CSMD1: variants seen among roughly 807,000 people sequenced by gnomAD.
The protein encoded by CSMD1 is CUB and sushi domain-containing protein 1.
CSMD1 carries 213 observed loss-of-function variants against 417.5 expected under a neutral mutation model. The ratio of observed to expected loss-of-function variants is 0.51; its 90% CI spans 0.46 to 0.57. The LOEUF (loss-of-function observed/expected upper bound fraction) is 0.57. Ranked by LOEUF, CSMD1 falls within the 20% of genes least tolerant of loss-of-function variation. The pLI, the probability that CSMD1 is intolerant of heterozygous loss-of-function variation, is 0.00. For missense variants in CSMD1, 6,923 were observed against 4,529.7 expected, an observed-to-expected ratio of 1.53 and a Z score of -15.17; for synonymous variants, 2,862 against 1,736.8, an observed-to-expected ratio of 1.65 and a Z score of -16.11.
chr8:4,487,265 G>A (rs1189735943), intron 2 of CSMD1, among the ~76,000 whole-genome samples: 2 of 152,068 alleles, frequency 1.3e-5, no homozygotes, highest in East Asian at 1.9e-4. Flanking sequence ...CCGGTGCGGT[G>A]CACCCATTAA....
intron 55 of CSMD1, among the ~76,000 whole-genome samples, chr8:2,976,590 C>T (rs867295501): frequency 6.6e-6 from 1 of 152,148 alleles, no homozygotes; most frequent in Non-Finnish European, 1.5e-5. Flanking sequence ...CTCAAGAGAT[C>T]CACCTTCCCT....
At chr8:3,299,814 T>C (rs982461286) in intron 25 of CSMD1, among the ~76,000 whole-genome samples, 4 of 152,210 alleles carry the variant, frequency 2.6e-5, no homozygotes, top group Non-Finnish European at 5.9e-5. Flanking sequence ...ATTTTTTTTC[T>C]GGACAGATTG....
At chr8:3,488,426 C>T (rs1167908362) in intron 11 of CSMD1, among the ~76,000 whole-genome samples, 1 of 152,046 alleles carries the variant, frequency 6.6e-6, no homozygotes, top group African/African-American at 2.4e-5. Context: ...GTCTTTTGAC[C>T]TTTTACATTC....
chr8:3,345,812 G>A (rs574955903), intron 22 of CSMD1, among the ~76,000 whole-genome samples: 2 of 152,280 alleles, frequency 1.3e-5, no homozygotes, highest in South Asian at 2.1e-4. Context: ...AACATTGAAA[G>A]TTCTGGGGAA....
rs543456339 is a variant in CSMD1 at position 3,636,334 on chromosome 8, C to T, written c.1010-19537G>A. On this transcript the variant is annotated intron_variant, in intron 7 of 69. Transcript: ENST00000635120. ...CCGGGATTACAGGCATGCGCCACCA[C>T]GCCTGGCTAATTTTTGGATTTTTAG... Among the ~76,000 whole-genome samples the T allele has an allele frequency of 7.4e-4, 113 of 152,274 alleles. 1 individual carries two copies. The highest frequency in any genetic ancestry group is 3.1e-3 in the Admixed American group (47 of 15,292).
intron 8 of CSMD1, among the ~76,000 whole-genome samples, chr8:3,592,641 GGTCTAT>G (rs1800900729): frequency 6.6e-6 from 1 of 152,012 alleles, no homozygotes; most frequent in Non-Finnish European, 1.5e-5. Flanking sequence ...AATGCTGAAG[GGTCTAT>G]GTGTGTGTTT....
intron 5 of CSMD1, among the ~76,000 whole-genome samples, chr8:3,779,413 G>A (rs548109934): frequency 6.6e-5 from 10 of 152,116 alleles, no homozygotes; most frequent in East Asian, 3.9e-4. Flanking sequence ...TGAGCACTAC[G>A]TAGGAGCATC....
chr8:3,335,747 A>G (rs1585016966), intron 23 of CSMD1, among the ~76,000 whole-genome samples: 1 of 152,244 alleles, frequency 6.6e-6, no homozygotes, highest in Non-Finnish European at 1.5e-5. Flanking sequence ...ACCTAAGAGT[A>G]GAGCAGACAC....
rs192513837 is a variant in CSMD1 at position 4,487,037 on chromosome 8, A to C, written c.303-66972T>G. Among the ~76,000 whole-genome samples, 13 of 152,280 alleles carry C rather than the reference A, an allele frequency of 8.5e-5. No homozygotes were observed. In the East Asian group the frequency reaches 2.5e-3, roughly 29 times the overall value. On this transcript the variant is annotated intron_variant, in intron 2 of 69. Coordinates refer to ENST00000635120, the MANE Select transcript of CSMD1 (RefSeq NM_033225.6). ...GCTAAACAAAGTTCCACTGAAGAGA[A>C]TTGTAATATCTTTCCGCTTTCTAAT...
At chr8:4,502,785 C>T (rs1445832906) in intron 2 of CSMD1, among the ~76,000 whole-genome samples, 1 of 152,122 alleles carries the variant, frequency 6.6e-6, no homozygotes, top group Non-Finnish European at 1.5e-5. Context: ...AAGAGCATGA[C>T]CAATCTGTTG....
In CSMD1 at chr8:3,094,164, G is replaced by A. The variant is rs569727497; in HGVS notation, c.7139-2502C>T. Among the ~76,000 whole-genome samples the A allele has an allele frequency of 2.0e-5, 3 of 151,904 alleles. No individual in the cohort carries two copies. The South Asian group carries it at 6.2e-4, about 32-fold the overall frequency. On this transcript the variant is annotated intron_variant, in intron 47 of 69. Transcript: ENST00000635120. ...TCTGCCTTCCAGGCTGGAGTGCAAT[G>A]GTACAATCTCGGCTCTCTGCAACCT...
chr8:4,431,667 G>C (rs1385720959), intron 2 of CSMD1, among the ~76,000 whole-genome samples: 3 of 152,146 alleles, frequency 2.0e-5, no homozygotes, highest in Admixed American at 6.6e-5. Flanking sequence ...AGGAAGAAAA[G>C]ATAGAGGAAT....
intron 62 of CSMD1, among the ~76,000 whole-genome samples, 164 bp from the exon 63 acceptor site, chr8:2,957,971 A>C (rs1289908291): frequency 6.6e-6 from 1 of 152,240 alleles, no homozygotes; most frequent in East Asian, 1.9e-4. Context: ...TGCCTGCTAC[A>C]GTGTTACACA....
At chr8:3,542,718 G>A (rs1243935781) in intron 10 of CSMD1, among the ~76,000 whole-genome samples, 4 of 152,212 alleles carry the variant, frequency 2.6e-5, no homozygotes, top group Non-Finnish European at 5.9e-5. Context: ...ATGTGCTGGG[G>A]ATGCTGTAGG....
At chr8:3,730,237 A>C (rs1481282079) in intron 6 of CSMD1, among the ~76,000 whole-genome samples, 1 of 152,124 alleles carries the variant, frequency 6.6e-6, no homozygotes, top group Non-Finnish European at 1.5e-5. Flanking sequence ...ATATGGTTAA[A>C]TTCGAGATGA....
At chr8:3,415,305 T>A (rs1352291029) in intron 12 of CSMD1, among the ~76,000 whole-genome samples, 2 of 152,176 alleles carry the variant, frequency 1.3e-5, no homozygotes, top group Admixed American at 6.5e-5. Context: ...TATAATACAT[T>A]ATTATTAACC....
intron 5 of CSMD1, among the ~76,000 whole-genome samples, chr8:3,930,069 G>C (rs1048164588): frequency 6.7e-6 from 1 of 150,216 alleles, no homozygotes; most frequent in Non-Finnish European, 1.5e-5. Flanking sequence ...GTGTTACCTA[G>C]GCATGTTTTT....
At chr8:3,765,470 T>G (rs894927979) in intron 5 of CSMD1, among the ~76,000 whole-genome samples, 2 of 152,202 alleles carry the variant, frequency 1.3e-5, no homozygotes, top group Non-Finnish European at 2.9e-5. Flanking sequence ...TGTAGAGGTC[T>G]ACCTCACCTC....
chr8:3,279,126 G>T (rs1170729422), intron 26 of CSMD1: 1 of 152,184 alleles, frequency 6.6e-6, no homozygotes, highest in Non-Finnish European at 1.5e-5. Context: ...TGGCTTTGGG[G>T]TGGTCAGACC....
Sources: allele counts gnomAD v4.1 joint callset (sites outside exome capture counted in the v4.1 genomes callset), GRCh38; gene constraint gnomAD v4.1.1; transcripts MANE v1.5; gene names NCBI Gene and HGNC (gene_info 2026-07-23, HGNC 2026-07-21).